SRPK1: variants seen among roughly 807,000 people sequenced by gnomAD.
The protein encoded by SRPK1 is SRSF protein kinase 1.
Under a neutral mutation model 89.5 loss-of-function variants are expected in SRPK1, and 52 were observed. The observed-to-expected ratio is 0.58, with a 90% CI of 0.46 to 0.73. The LOEUF (loss-of-function observed/expected upper bound fraction) is 0.73. Among genes scored for constraint, SRPK1 ranks in the 30% least tolerant of loss-of-function variants. The pLI is 0.00. For synonymous variants in SRPK1, 255 were observed against 270.2 expected (o/e 0.94, Z 0.55); for missense variants, 603 against 780.6 (o/e 0.77, Z 2.71).
At chr6:35,920,066 G>A (rs1179249151) in intron 2 of SRPK1, 1 of 460,190 alleles carries the variant, frequency 2.2e-6, no homozygotes, top group Non-Finnish European at 4.4e-6. Flanking sequence ...AAGGCCTACC[G>A]TGAAGACGTC....
In SRPK1 at chr6:35,888,030, C is replaced by T. The variant is rs376914760; in HGVS notation, c.384G>A (p.Leu128=). The T allele has an allele frequency of 5.6e-6, 9 of 1,599,412 alleles. No individual in the cohort carries two copies. The African/African-American group carries it at 1.1e-4, about 19-fold the overall frequency. The part of the protein sequence containing the change: ...TETALDEIRL[L]KSVRNSDPND... ...CATATAATCTAATACTCACTGACTT[C>T]AGCAACCGGATTTCATCTAGTGCTG... Residue 128 remains leucine (L), a synonymous_variant, in exon 5 of 16, where the codon CTG becomes CTA. Transcript: ENST00000373825.
At chr6:35,899,443 C>T (rs1770697041) in intron 2 of SRPK1, among the ~76,000 whole-genome samples, 1 of 152,208 alleles carries the variant, frequency 6.6e-6, no homozygotes, top group Non-Finnish European at 1.5e-5. Flanking sequence ...ATTTTATTGT[C>T]TTCCTCCAGA....
At chr6:35,880,742 A>AAAAAAAAAAAGAAAG in intron 6 of SRPK1, among the ~76,000 whole-genome samples, 3 of 28,192 alleles carry the variant, frequency 1.1e-4, no homozygotes, top group South Asian at 4.4e-3. Context: ...AAAGAAAAAA[A>AAAAAAAAAAAGAAAG]AAAAAAAAGA....
At chr6:35,852,457 T>C (rs1031842810) in intron 13 of SRPK1, among the ~76,000 whole-genome samples, 8 of 152,222 alleles carry the variant, frequency 5.3e-5, no homozygotes, top group Non-Finnish European at 7.3e-5. Context: ...AGCAAACCTA[T>C]AGCTTTCATT....
chr6:35,886,452 T>G (rs760528875), intron 6 of SRPK1, among the ~76,000 whole-genome samples: 17 of 152,194 alleles, frequency 1.1e-4, no homozygotes, highest in Non-Finnish European at 2.1e-4. Flanking sequence ...ATAGACTCTT[T>G]ACTTAGTGAT....
chr6:35,840,169 T>C (rs1011467037), intron 14 of SRPK1, among the ~76,000 whole-genome samples: 6 of 152,228 alleles, frequency 3.9e-5, no homozygotes, highest in African/African-American at 7.2e-5. Flanking sequence ...TACAGAATCA[T>C]TAAGGTTTAA....
intron 4 of SRPK1, 43 bp downstream of exon 4, chr6:35,888,772 G>A: frequency 8.1e-7 from 1 of 1,229,234 alleles, no homozygotes; most frequent in Non-Finnish European, 1.2e-6. Flanking sequence ...AACACATTTA[G>A]ACATCATCTA....
intron 12 of SRPK1, among the ~76,000 whole-genome samples, chr6:35,863,866 G>A (rs894987927): frequency 5.9e-5 from 9 of 152,202 alleles, no homozygotes; most frequent in South Asian, 4.1e-4. Context: ...TTATAACACC[G>A]TTAATTGTAG....
chr6:35,909,357 T>C (rs897176091), intron 2 of SRPK1, among the ~76,000 whole-genome samples: 2 of 152,222 alleles, frequency 1.3e-5, no homozygotes, highest in African/African-American at 4.8e-5. Flanking sequence ...TTTTGGACAA[T>C]TTCTCCCATT....
chr6:35,870,339 ACT>A lies in SRPK1; in HGVS notation c.931_932del (p.Pro312CysfsTer2). On this transcript the variant is annotated frameshift_variant, in exon 10 of 16. Transcript: ENST00000373825. LOFTEE classifies it high-confidence loss of function. ...TCTCTTTCAAGGGTCTTTCAACAGG[ACT>A]CTCTGATTCTTCTTGCTTGTTTGGT... Reference protein sequence around the residue: ...KRPNKQEESESPVERPLKENP... With the variant: ...KRPNKQEESEXPVERPLKENP... 6.2e-7 allele frequency: 1 copy of A among 1,612,996 alleles called. No homozygotes were observed. Among genetic ancestry groups the A allele is most frequent in the Non-Finnish European group, 8.5e-7 (1 of 1,179,570 alleles).
At chr6:35,866,772 C>A (rs1769914242) in intron 12 of SRPK1, among the ~76,000 whole-genome samples, 1 of 152,200 alleles carries the variant, frequency 6.6e-6, no homozygotes, top group African/African-American at 2.4e-5. Context: ...ACGGAATCAA[C>A]CCAAGTGTCT....
intron 13 of SRPK1, among the ~76,000 whole-genome samples, chr6:35,853,407 T>C (rs1769597803): frequency 6.6e-6 from 1 of 152,224 alleles, no homozygotes; most frequent in Admixed American, 6.5e-5. Context: ...TATGGTTATA[T>C]ATGTTATATG....
intron 2 of SRPK1, among the ~76,000 whole-genome samples, chr6:35,905,557 G>A (rs74834354): frequency 0.022 from 3,394 of 152,262 alleles, 129 homozygotes; most frequent in African/African-American, 0.078. Context: ...GAGAAATTAG[G>A]TGGTAGCATA....
chr6:35,875,153 G>A (rs1770128760), intron 6 of SRPK1, among the ~76,000 whole-genome samples: 1 of 152,048 alleles, frequency 6.6e-6, no homozygotes, highest in African/African-American at 2.4e-5. Flanking sequence ...AAAATAACAG[G>A]GTAAACTTGG....
At chr6:35,886,106 G>T (rs1416742096) in intron 6 of SRPK1, among the ~76,000 whole-genome samples, 2 of 137,900 alleles carry the variant, frequency 1.5e-5, no homozygotes, top group African/African-American at 2.8e-5. Flanking sequence ...TTTAGACAGA[G>T]TCTGGCTCTG....
intron 13 of SRPK1, among the ~76,000 whole-genome samples, chr6:35,851,276 G>A (rs920529753): frequency 2.0e-5 from 3 of 151,718 alleles, no homozygotes; most frequent in Non-Finnish European, 4.4e-5. Flanking sequence ...CTGGGTTCTA[G>A]CGATTCTCGT....
At chr6:35,914,179 G>C (rs1320566589) in intron 2 of SRPK1, among the ~76,000 whole-genome samples, 2 of 151,934 alleles carry the variant, frequency 1.3e-5, no homozygotes, top group South Asian at 4.1e-4. Flanking sequence ...GTTTCTCCAT[G>C]TTGATCAGGC....
At chr6:35,909,800 TGAA>T (rs1386049217) in intron 2 of SRPK1, among the ~76,000 whole-genome samples, 2 of 152,138 alleles carry the variant, frequency 1.3e-5, no homozygotes, top group Non-Finnish European at 2.9e-5. Context: ...TGCCAACTTG[TGAA>T]GAAGATGCCT....
At chr6:35,843,941 A>T in intron 13 of SRPK1, among the ~76,000 whole-genome samples, 1 of 141,500 alleles carries the variant, frequency 7.1e-6, no homozygotes, top group Admixed American at 7.1e-5. Context: ...GCAGAATGAA[A>T]AGCAGGGCTA....
Sources: gnomAD v4.1 joint callset for allele counts (sites outside exome capture counted in the v4.1 genomes callset) on GRCh38, gnomAD v4.1.1 for gene constraint, MANE v1.5 for transcripts, NCBI Gene and HGNC (gene_info 2026-07-23, HGNC 2026-07-21) for gene names.